The following RNF24 variants were observed in gnomAD, a reference collection of about 807,000 sequenced individuals.
RNF24 encodes ring finger protein 24.
Under a neutral mutation model 20.0 loss-of-function variants are expected in RNF24, and 14 were observed. The observed-to-expected ratio is 0.70, with a 90% CI of 0.46 to 1.10. RNF24 has a LOEUF of 1.10. Among genes scored for constraint, RNF24 ranks in the 50% least tolerant of loss-of-function variants. The probability of loss-of-function intolerance (pLI) is 0.00; values close to 1 mark genes in which losing one functional copy is unlikely to be tolerated. For missense variants in RNF24, 124 were observed against 177.6 expected, an observed-to-expected ratio of 0.70 and a Z score of 1.71; for synonymous variants, 45 against 61.1, an observed-to-expected ratio of 0.74 and a Z score of 1.23.
Position 3,931,337 on chromosome 20 carries a change from C to T in RNF24, c.*2726G>A, listed in dbSNP as rs1301987512. The T allele has an allele frequency of 1.3e-5, 2 of 152,180 alleles. No individual in the cohort carries two copies. 9.4% of individuals were successfully genotyped at this position (152,180 alleles called of 1,614,324 possible). On this transcript the variant is annotated 3_prime_UTR_variant, in exon 6 of 6. Transcript: ENST00000358395. ...ATAGATGCGGAAAGGGTGACTTTAC[C>T]ATGGGGTTCGAGTCTGAGCCAAGAG...
In RNF24 at chr20:3,936,267, G is replaced by A. The variant is rs2090889893; in HGVS notation, c.229-1194C>T. ...CCCTACCAAGATGGCAGGGGAGCAG[G>A]GAGGAGAGCAGGACAGGTGGCTGGC... On this transcript the variant is annotated intron_variant, in intron 4 of 5. Coordinates refer to ENST00000358395, the MANE Select transcript of RNF24 (RefSeq NM_001134337.3). Among the ~76,000 whole-genome samples the A allele has an allele frequency of 2.6e-5, 4 of 152,148 alleles. 1 individual carries two copies. The South Asian group carries it at 8.3e-4, about 31-fold the overall frequency.
At chr20:3,954,323 A>G (rs1261312161) in intron 2 of RNF24, among the ~76,000 whole-genome samples, 1 of 152,186 alleles carries the variant, frequency 6.6e-6, no homozygotes, top group African/African-American at 2.4e-5. Context: ...TATATCATAT[A>G]AAAGGAACAA....
chr20:3,986,252 T>C (rs753702698), intron 1 of RNF24, among the ~76,000 whole-genome samples: 1 of 152,022 alleles, frequency 6.6e-6, no homozygotes, highest in Non-Finnish European at 1.5e-5. Context: ...TTTTCCTCCT[T>C]GCCTCCTTCC....
intron 2 of RNF24, among the ~76,000 whole-genome samples, chr20:3,955,935 T>C (rs2091136793): frequency 6.6e-6 from 1 of 152,198 alleles, no homozygotes; most frequent in Non-Finnish European, 1.5e-5. Flanking sequence ...AGATTGTTCA[T>C]TGTTGATGCA....
chr20:3,978,155 A>G (rs1430948669), intron 1 of RNF24, among the ~76,000 whole-genome samples: 2 of 150,132 alleles, frequency 1.3e-5, no homozygotes, highest in African/African-American at 4.9e-5. Context: ...CTGCAACCTC[A>G]GCATCCTGAG....
chr20:3,989,685 G>C (rs1449854249), intron 1 of RNF24, among the ~76,000 whole-genome samples: 1 of 152,052 alleles, frequency 6.6e-6, no homozygotes, highest in Non-Finnish European at 1.5e-5. Context: ...ACTTGTCAGC[G>C]AGCTGTGAAG....
chr20:3,984,631 C>G (rs1979721126), intron 1 of RNF24, among the ~76,000 whole-genome samples: 1 of 152,042 alleles, frequency 6.6e-6, no homozygotes, highest in Non-Finnish European at 1.5e-5. Context: ...AAAAAGAGAT[C>G]AGGGTTCAAA....
rs544643951 is a variant in RNF24, at chr20:3,977,641, G to A, written c.-7-13617C>T. Among the ~76,000 whole-genome samples, 631 of 152,116 alleles carry A rather than the reference G, an allele frequency of 4.1e-3. 7 individuals carry two copies. The highest frequency in any genetic ancestry group is 0.015 in the African/African-American group (605 of 41,508). ...AGGACTTTGGGAGGCCGAGGCGGGC[G>A]GATCACGAGGTCAGGAGATCGAGAC... On this transcript the variant is annotated intron_variant, in intron 1 of 5. Coordinates refer to ENST00000358395, the MANE Select transcript of RNF24 (RefSeq NM_001134337.3).
intron 1 of RNF24, among the ~76,000 whole-genome samples, chr20:3,990,112 G>T (rs1980303032): frequency 6.6e-6 from 1 of 152,030 alleles, no homozygotes; most frequent in Non-Finnish European, 1.5e-5. Context: ...CTTATTCTTT[G>T]TATTAAAATA....
At chr20:3,970,724 A>G (rs951128567) in intron 1 of RNF24, among the ~76,000 whole-genome samples, 1 of 152,194 alleles carries the variant, frequency 6.6e-6, no homozygotes, top group Non-Finnish European at 1.5e-5. Flanking sequence ...TGGGCTCAAC[A>G]GCAGAATGGA....
chr20:3,978,906 G>T (rs1269077046), intron 1 of RNF24, among the ~76,000 whole-genome samples: 1 of 151,700 alleles, frequency 6.6e-6, no homozygotes, highest in Non-Finnish European at 1.5e-5. Flanking sequence ...AGGAGTTCAA[G>T]ATCAGTCTGG....
chr20:3,949,185 GCC>G (rs2091053720), intron 2 of RNF24, among the ~76,000 whole-genome samples: 1 of 152,212 alleles, frequency 6.6e-6, no homozygotes, highest in Admixed American at 6.5e-5. Context: ...TTTGAGACCA[GCC>G]TGGTCAACAG....
chr20:3,934,220 CAG>C lies in RNF24; in HGVS notation c.309-21_309-20del. 2 of 1,602,236 alleles carry C rather than the reference CAG, an allele frequency of 1.2e-6. No homozygotes were observed. Among genetic ancestry groups the C allele is most frequent in the Admixed American group, 1.7e-5 (1 of 58,882 alleles). On this transcript the variant is annotated intron_variant, in intron 5 of 5. Coordinates refer to ENST00000358395, the MANE Select transcript of RNF24 (RefSeq NM_001134337.3). The surrounding 1 kb of genome is among the most constrained non-coding windows in gnomAD (Gnocchi z 4.0). The stretch of plus-strand genomic sequence containing the variant: ...AAGGCACCTGCAGAAGGAGACACCA[CAG>C]GGGGAAGATGTCAGTCCTATGCTCA...
intron 1 of RNF24, among the ~76,000 whole-genome samples, chr20:4,003,180 A>T (rs1201030646): frequency 2.0e-5 from 3 of 152,140 alleles, no homozygotes; most frequent in Non-Finnish European, 4.4e-5. Flanking sequence ...CATCTGGGAC[A>T]GGCTGGTCTT....
intron 4 of RNF24, among the ~76,000 whole-genome samples, chr20:3,940,084 G>T (rs1224402808): frequency 6.6e-6 from 1 of 151,980 alleles, no homozygotes; most frequent in Non-Finnish European, 1.5e-5. Flanking sequence ...TCAGCCTCCT[G>T]AGTAGCTGGG....
At chr20:3,935,144 G>C in intron 4 of RNF24, 71 bp from the exon 5 acceptor site, 1 of 1,216,128 alleles carries the variant, frequency 8.2e-7, no homozygotes, top group Non-Finnish European at 1.2e-6. Context: ...TAGAGTGCAG[G>C]CTCCTAAAGG....
At chr20:3,952,248 T>C (rs2091090065) in intron 2 of RNF24, among the ~76,000 whole-genome samples, 1 of 152,166 alleles carries the variant, frequency 6.6e-6, no homozygotes, top group Admixed American at 6.5e-5. Flanking sequence ...ACTGAGTGTC[T>C]AACCTATGAA....
intron 1 of RNF24, among the ~76,000 whole-genome samples, chr20:3,982,928 C>G (rs897215520): frequency 6.6e-6 from 1 of 152,124 alleles, no homozygotes; most frequent in African/African-American, 2.4e-5. Flanking sequence ...GGTGATTAGG[C>G]TATGAGGGAT....
intron 1 of RNF24, among the ~76,000 whole-genome samples, chr20:3,980,380 C>T (rs1415097548): frequency 6.6e-6 from 1 of 152,114 alleles, no homozygotes; most frequent in Non-Finnish European, 1.5e-5. Context: ...ATAACCAAGA[C>T]CCTAATGGGC....
Sources: allele counts gnomAD v4.1 joint callset (sites outside exome capture counted in the v4.1 genomes callset), GRCh38; gene constraint gnomAD v4.1.1; non-coding constraint Gnocchi (gnomAD v3.1); transcripts MANE v1.5; gene names NCBI Gene and HGNC (gene_info 2026-07-23, HGNC 2026-07-21).